The following YIPF4 variants were observed in gnomAD, a reference collection of about 807,000 sequenced individuals.
YIPF4 encodes Yip1 domain family member 4, also known as protein YIPF4.
A neutral mutation model predicts 29.4 loss-of-function variants in YIPF4; 18 were observed. That is an observed-to-expected ratio of 0.61 (90% CI 0.42 to 0.91). The LOEUF (loss-of-function observed/expected upper bound fraction) is 0.91. Among genes scored for constraint, YIPF4 ranks in the 40% least tolerant of loss-of-function variants. YIPF4 has a pLI of 0.00. For missense variants in YIPF4, 279 were observed against 282.7 expected, an observed-to-expected ratio of 0.99 and a Z score of 0.09; for synonymous variants, 115 against 104.7, an observed-to-expected ratio of 1.10 and a Z score of -0.60.
chr2:32,298,340 C>A, intron 4 of YIPF4, 29 bp downstream of exon 4: 1 of 1,536,398 alleles, frequency 6.5e-7, no homozygotes, highest in Non-Finnish European at 9.0e-7. Flanking sequence ...AAATAATCTT[C>A]CTTATTTATG....
At position 32,303,184 on chromosome 2, in the gene YIPF4, C is replaced by T. The variant is rs778282983; in HGVS notation, c.597+1689C>T. ...GTTTGAAATCAATCAGCCTGGGCAA[C>T]GTGGCGAAACTCCATCTCTACAAAA... On this transcript the variant is annotated intron_variant, in intron 5 of 5. Transcript: ENST00000238831. 3.9e-4 allele frequency among the ~76,000 whole-genome samples: 59 copies of T among 152,074 alleles called. 1 individual carries two copies. The highest frequency in any genetic ancestry group is 1.3e-3 in the African/African-American group (52 of 41,400).
chr2:32,286,577 C>A (rs976797155), intron 1 of YIPF4, among the ~76,000 whole-genome samples: 1 of 151,600 alleles, frequency 6.6e-6, no homozygotes, highest in African/African-American at 2.4e-5. Context: ...GATGGAGTTG[C>A]GCTCTGTTGG....
chr2:32,290,684 T>G, intron 2 of YIPF4, 48 bp downstream of exon 2: 2 of 1,249,048 alleles, frequency 1.6e-6, no homozygotes, highest in Non-Finnish European at 2.1e-6. Flanking sequence ...AGCTAGTCTG[T>G]GGGATGATTA....
At chr2:32,279,979 C>G (rs1462326476) in intron 1 of YIPF4, among the ~76,000 whole-genome samples, 1 of 149,726 alleles carries the variant, frequency 6.7e-6, no homozygotes, top group Non-Finnish European at 1.5e-5. Context: ...TTACTATAAC[C>G]TCAAATTCCT....
At chr2:32,292,453 C>A in intron 3 of YIPF4, 105 bp downstream of exon 3, 1 of 890,902 alleles carries the variant, frequency 1.1e-6, no homozygotes, top group Non-Finnish European at 1.5e-6. Flanking sequence ...TTGAGAAATG[C>A]TTTACCCATT....
intron 3 of YIPF4, among the ~76,000 whole-genome samples, chr2:32,292,717 A>G (rs922498052): frequency 6.6e-6 from 1 of 151,848 alleles, no homozygotes; most frequent in Non-Finnish European, 1.5e-5. Flanking sequence ...CAAAAAAAGT[A>G]TCTGGGTGTG....
intron 1 of YIPF4, among the ~76,000 whole-genome samples, chr2:32,284,895 A>G (rs1432702118): frequency 6.6e-6 from 1 of 152,130 alleles, no homozygotes; most frequent in Non-Finnish European, 1.5e-5. Flanking sequence ...CCTGGATAAG[A>G]TAGGGCATGT....
chr2:32,292,079 T>C, intron 2 of YIPF4, 98 bp from the exon 3 acceptor site: 1 of 782,344 alleles, frequency 1.3e-6, no homozygotes, highest in Non-Finnish European at 1.9e-6. Flanking sequence ...CTATGGAGAT[T>C]ATAACTGTCT....
intron 1 of YIPF4, among the ~76,000 whole-genome samples, chr2:32,287,709 G>A (rs2030737161): frequency 6.6e-6 from 1 of 152,140 alleles, no homozygotes; most frequent in Non-Finnish European, 1.5e-5. Context: ...AAATTTTGTT[G>A]TGTGGGTTTT....
intron 2 of YIPF4, among the ~76,000 whole-genome samples, chr2:32,291,230 T>G (rs919896108): frequency 2.6e-5 from 4 of 152,250 alleles, no homozygotes; most frequent in African/African-American, 9.6e-5. Context: ...CCTGTGTTTC[T>G]TCATGTTAAT....
intron 1 of YIPF4, among the ~76,000 whole-genome samples, chr2:32,289,647 A>G (rs766201380): frequency 4.6e-5 from 7 of 152,022 alleles, no homozygotes; most frequent in Non-Finnish European, 1.0e-4. Context: ...ATCCTTAACT[A>G]TTTCCATTTT....
At position 32,307,340 on chromosome 2, in the gene YIPF4, A is replaced by G. The variant is rs974882655; in HGVS notation, c.*1714A>G. 2 of 203,112 alleles carry G rather than the reference A, an allele frequency of 9.8e-6. No individual in the cohort carries two copies. The highest frequency in any genetic ancestry group is 1.1e-5 in the Non-Finnish European group (1 of 93,776). The allele number at this position is 203,112 out of a possible 1,614,324, so 12.6% of individuals were successfully genotyped here. On this transcript the variant is annotated 3_prime_UTR_variant, in exon 6 of 6. Coordinates refer to ENST00000238831, the MANE Select transcript of YIPF4 (RefSeq NM_032312.4). The stretch of plus-strand genomic sequence containing the variant: ...CCAGGAGGTAGAATTTTACAAGGCA[A>G]TAAATGAAGGTATTTTAAGATCACC...
chr2:32,287,137 C>G (rs112397595), intron 1 of YIPF4, among the ~76,000 whole-genome samples: 14 of 152,120 alleles, frequency 9.2e-5, no homozygotes, highest in Middle Eastern at 3.4e-3. Context: ...CCCAGCTACT[C>G]GAGAGGCTGA....
intron 1 of YIPF4, among the ~76,000 whole-genome samples, chr2:32,289,812 A>G (rs1419310390): frequency 6.6e-6 from 1 of 152,196 alleles, no homozygotes; most frequent in Non-Finnish European, 1.5e-5. Context: ...AAAAGAAAAC[A>G]TAGCCTTTAT....
chr2:32,289,817 CTTTA>C (rs1010342832), intron 1 of YIPF4, among the ~76,000 whole-genome samples: 4 of 152,000 alleles, frequency 2.6e-5, no homozygotes, highest in African/African-American at 9.7e-5. Context: ...AAAACATAGC[CTTTA>C]TTTATTTTTG....
rs529776177 is a variant in YIPF4 at position 32,309,619 on chromosome 2, C to T, written c.*3993C>T. 5.4e-5 allele frequency: 8 copies of T among 148,844 alleles called. No homozygotes were observed. The highest frequency in any genetic ancestry group is 1.7e-4 in the African/African-American group (7 of 40,280). 9.2% of individuals were successfully genotyped at this position (148,844 alleles called of 1,614,324 possible). On this transcript the variant is annotated 3_prime_UTR_variant, in exon 6 of 6. Transcript: ENST00000238831. ...AGTGAACAAAACTAGTTGAATACTT[C>T]TAAATATTCATTTTTGTTAGTGCAC...
rs373023973 is a variant in YIPF4 at position 32,306,454 on chromosome 2, A to G, written c.*828A>G. 1.9e-5 allele frequency: 19 copies of G among 982,502 alleles called. No individual in the cohort carries two copies. The South Asian group carries it at 8.0e-4, about 41-fold the overall frequency. 60.9% of individuals were successfully genotyped at this position (982,502 alleles called of 1,614,324 possible). On this transcript the variant is annotated 3_prime_UTR_variant, in exon 6 of 6. Coordinates refer to ENST00000238831, the MANE Select transcript of YIPF4 (RefSeq NM_032312.4). ...CAAAAACAGTAATATTTACAGCATCAGTAAATATTTTTAAGTGGTACTTCT... is the reference window on the plus strand; with the variant it reads ...CAAAAACAGTAATATTTACAGCATCGGTAAATATTTTTAAGTGGTACTTCT...
At position 32,305,870 on chromosome 2, in the gene YIPF4, C is replaced by A; in HGVS notation, c.*244C>A. The A allele has an allele frequency of 1.8e-6, 2 of 1,114,706 alleles. No individual in the cohort carries two copies. The highest frequency in any genetic ancestry group is 1.1e-6 in the Non-Finnish European group (1 of 915,148). 69.1% of individuals were successfully genotyped at this position (1,114,706 alleles called of 1,614,324 possible). A position where few individuals can be genotyped will look rare whatever the true frequency, so the allele number is the denominator to read the frequency against. On this transcript the variant is annotated 3_prime_UTR_variant, in exon 6 of 6. Transcript: ENST00000238831. ...TCTCCATATTCCAGTGAATAAAATA[C>A]AAAAGCATTGTGTTTTTAAGATTGT...
intron 4 of YIPF4, among the ~76,000 whole-genome samples, chr2:32,301,017 T>A (rs1297567575): frequency 6.6e-6 from 1 of 152,208 alleles, no homozygotes; most frequent in Non-Finnish European, 1.5e-5. Context: ...GACCTTGGAT[T>A]TTTCATCTGA....
Sources: allele counts gnomAD v4.1 joint callset (sites outside exome capture counted in the v4.1 genomes callset), GRCh38; gene constraint gnomAD v4.1.1; transcripts MANE v1.5; gene names NCBI Gene and HGNC (gene_info 2026-07-23, HGNC 2026-07-21).